The following TRAM2 variants were observed in gnomAD, a reference collection of about 807,000 sequenced individuals.
TRAM2 encodes the protein translocation associated membrane protein 2, also known as translocating chain-associated membrane protein 2.
In TRAM2, 12 loss-of-function variants were observed where a neutral mutation model predicts 51.0. The ratio of observed to expected loss-of-function variants is 0.24; its 90% CI spans 0.15 to 0.38. The LOEUF (loss-of-function observed/expected upper bound fraction) is 0.38. Among genes scored for constraint, TRAM2 ranks in the 10% least tolerant of loss-of-function variants. The pLI, the probability that TRAM2 is intolerant of heterozygous loss-of-function variation, is 1.00. For synonymous variants in TRAM2, 175 were observed against 179.4 expected (o/e 0.98, Z 0.20); for missense variants, 361 against 462.0 (o/e 0.78, Z 2.00).
At chr6:52,569,364 T>G (rs924380535) in intron 1 of TRAM2, among the ~76,000 whole-genome samples, 10 of 143,198 alleles carry the variant, frequency 7.0e-5, no homozygotes, top group Non-Finnish European at 1.0e-4. Context: ...TACTCCAGCC[T>G]GGGCGACAAA....
At chr6:52,509,916 CAAAAT>C (rs746632575) in intron 4 of TRAM2, among the ~76,000 whole-genome samples, 49 of 152,236 alleles carry the variant, frequency 3.2e-4, no homozygotes, top group Admixed American at 1.2e-3. Flanking sequence ...ATCTGCAAAA[CAAAAT>C]AAAAATACCC....
At chr6:52,526,168 C>G (rs970133904) in intron 2 of TRAM2, among the ~76,000 whole-genome samples, 1,069 of 36,434 alleles carry the variant, frequency 0.029, 13 homozygotes, top group East Asian at 0.12. Flanking sequence ...CACACACACA[C>G]ACACACACAC....
chr6:52,507,489 G>A, intron 7 of TRAM2, 64 bp downstream of exon 7: 1 of 1,515,202 alleles, frequency 6.6e-7, no homozygotes, highest in South Asian at 1.1e-5. Context: ...TTATATGAGT[G>A]TGTGGACAGA....
intron 1 of TRAM2, among the ~76,000 whole-genome samples, chr6:52,569,281 T>C (rs1767638859): frequency 6.6e-6 from 1 of 151,550 alleles, no homozygotes; most frequent in Non-Finnish European, 1.5e-5. Flanking sequence ...TCCCAGCCAC[T>C]TGGGAGGCTG....
intron 5 of TRAM2, among the ~76,000 whole-genome samples, chr6:52,508,788 C>G (rs1367030350): frequency 6.6e-6 from 1 of 151,998 alleles, no homozygotes; most frequent in Non-Finnish European, 1.5e-5. Flanking sequence ...AACCCCAGCA[C>G]TTTGGGAGGC....
At chr6:52,576,726 G>A in intron 1 of TRAM2, 70 bp downstream of exon 1, 1 of 1,567,990 alleles carries the variant, frequency 6.4e-7, no homozygotes. Context: ...CCGCTGACCT[G>A]CAGGGGTGTG....
At chr6:52,538,037 C>A (rs1411006333) in intron 1 of TRAM2, among the ~76,000 whole-genome samples, 1 of 152,194 alleles carries the variant, frequency 6.6e-6, no homozygotes, top group Non-Finnish European at 1.5e-5. Context: ...TCATATAGGT[C>A]ATTCCTGGCC....
In TRAM2 at chr6:52,576,823, G is replaced by C; in HGVS notation, c.93C>G (p.Leu31=). The part of the protein sequence containing the change: ...NHADIGFCLV[L]CVLIGLMFEV... Reference sequence around the variant, plus strand: ...CGAACATAAGCCCGATGAGGACGCAGAGCACCAGGCAGAAGCCGATGTCCG... The same window carrying C: ...CGAACATAAGCCCGATGAGGACGCACAGCACCAGGCAGAAGCCGATGTCCG... Residue 31 remains leucine (L), a synonymous_variant, in exon 1 of 11, where the codon CTC becomes CTG. Coordinates refer to ENST00000182527, the MANE Select transcript of TRAM2 (RefSeq NM_012288.4). 1 of 1,613,794 alleles carries C rather than the reference G, an allele frequency of 6.2e-7. No homozygotes were observed. The highest frequency in any genetic ancestry group is 2.2e-5 in the East Asian group (1 of 44,834).
intron 2 of TRAM2, among the ~76,000 whole-genome samples, chr6:52,534,270 A>T (rs952726760): frequency 2.6e-5 from 4 of 151,714 alleles, no homozygotes; most frequent in African/African-American, 9.7e-5. Flanking sequence ...AACCCCAGCT[A>T]CTTGGGAGGC....
At chr6:52,551,888 TA>T (rs1767316142) in intron 1 of TRAM2, among the ~76,000 whole-genome samples, 1 of 152,272 alleles carries the variant, frequency 6.6e-6, no homozygotes, top group African/African-American at 2.4e-5. Flanking sequence ...TATGTTCATT[TA>T]TTTTTTTCCT....
rs750542705 is a variant in TRAM2, at chr6:52,504,556, T to C, written c.1039+35A>G. The C allele has an allele frequency of 3.7e-6, 6 of 1,612,532 alleles. No individual in the cohort carries two copies. In the Admixed American group the frequency reaches 6.7e-5, roughly 18 times the overall value. The stretch of plus-strand genomic sequence containing the variant: ...CCCACCCATCCCAGACAGACTTCCC[T>C]GGCTCCACTCTCTGCCAAGGGCCCT... On this transcript the variant is annotated intron_variant, in intron 10 of 10. Transcript: ENST00000182527.
At chr6:52,547,798 C>T (rs572229458) in intron 1 of TRAM2, among the ~76,000 whole-genome samples, 4 of 152,326 alleles carry the variant, frequency 2.6e-5, no homozygotes, top group African/African-American at 7.2e-5. Flanking sequence ...GCCTTTATTG[C>T]GTCGGCTGGA....
chr6:52,557,717 T>C lies in TRAM2; in HGVS notation c.120+19079A>G, dbSNP rs539288084. Among the ~76,000 whole-genome samples, 10 of 152,274 alleles carry C rather than the reference T, an allele frequency of 6.6e-5. No homozygotes were observed. In the South Asian group the frequency reaches 1.5e-3, roughly 22 times the overall value. On this transcript the variant is annotated intron_variant, in intron 1 of 10. Coordinates refer to ENST00000182527, the MANE Select transcript of TRAM2 (RefSeq NM_012288.4). Reference sequence around the variant, plus strand: ...AGAAGAGCCTGTGAGTTAATCATCATAATAAACCTTTTCCAAAAGGAGCTC... The same window carrying C: ...AGAAGAGCCTGTGAGTTAATCATCACAATAAACCTTTTCCAAAAGGAGCTC...
intron 8 of TRAM2, 112 bp from the exon 9 acceptor site, chr6:52,505,854 A>G: frequency 6.8e-7 from 1 of 1,469,062 alleles, no homozygotes; most frequent in Non-Finnish European, 9.1e-7. Flanking sequence ...GTGGCTGGGG[A>G]AAGTGCTTGA....
In TRAM2 at chr6:52,516,455, A is replaced by C. The variant is rs532022034; in HGVS notation, c.294+173T>G. ...TGCTGTCCCATGTGCTGATTAAAGG[A>C]GGCTGTGAACAGAAACCAAAGTGTG... On this transcript the variant is annotated intron_variant, in intron 3 of 10. Coordinates refer to ENST00000182527, the MANE Select transcript of TRAM2 (RefSeq NM_012288.4). 48 of 625,580 alleles carry C rather than the reference A, an allele frequency of 7.7e-5. No individual in the cohort carries two copies. The African/African-American group carries it at 8.1e-4, about 11-fold the overall frequency. The allele number at this position is 625,580 out of a possible 1,614,324, so 38.8% of individuals were successfully genotyped here.
Position 52,542,278 on chromosome 6 carries a change from A to T in TRAM2, c.121-6432T>A, listed in dbSNP as rs374455214. Among the ~76,000 whole-genome samples the T allele has an allele frequency of 9.6e-3, 954 of 99,430 alleles. 12 individuals are homozygous for T. Among genetic ancestry groups the T allele is most frequent in the African/African-American group, 0.053 (770 of 14,534 alleles). 65.2% of individuals were successfully genotyped at this position (99,430 alleles called of 152,430 possible). On this transcript the variant is annotated intron_variant, in intron 1 of 10. Coordinates refer to ENST00000182527, the MANE Select transcript of TRAM2 (RefSeq NM_012288.4). ...GATTTTTGGGTTTTTTTTTTTTTTAAAAAAAATAGTCTTTTAGCCTTTTTT... is the reference window on the plus strand; with the variant it reads ...GATTTTTGGGTTTTTTTTTTTTTTATAAAAAATAGTCTTTTAGCCTTTTTT...
intron 1 of TRAM2, among the ~76,000 whole-genome samples, chr6:52,548,921 C>T (rs1188496089): frequency 1.3e-5 from 2 of 152,094 alleles, no homozygotes; most frequent in Non-Finnish European, 2.9e-5. Context: ...CTGTTAGTGC[C>T]CTGGGTTTGG....
At chr6:52,526,512 G>C (rs956820784) in intron 2 of TRAM2, among the ~76,000 whole-genome samples, 1 of 152,094 alleles carries the variant, frequency 6.6e-6, no homozygotes, top group Non-Finnish European at 1.5e-5. Flanking sequence ...TCGGCCTCCT[G>C]AGTAGCTGGA....
intron 2 of TRAM2, among the ~76,000 whole-genome samples, chr6:52,529,390 G>A (rs1766844372): frequency 1.1e-5 from 1 of 90,348 alleles, no homozygotes; most frequent in African/African-American, 5.8e-5. Context: ...AGAAGTGTAG[G>A]ATTATTTGAA....
Sources: gnomAD v4.1 joint callset for allele counts (sites outside exome capture counted in the v4.1 genomes callset) on GRCh38, gnomAD v4.1.1 for gene constraint, MANE v1.5 for transcripts, NCBI Gene and HGNC (gene_info 2026-07-23, HGNC 2026-07-21) for gene names.